The following GRIN2A variants were observed in gnomAD, a reference collection of about 807,000 sequenced individuals.
GRIN2A encodes the protein glutamate ionotropic receptor NMDA type subunit 2A, also known as glutamate receptor ionotropic, NMDA 2A.
A neutral mutation model predicts 113.4 loss-of-function variants in GRIN2A; 22 were observed. The ratio of observed to expected loss-of-function variants is 0.19; its 90% CI spans 0.14 to 0.28. The LOEUF (loss-of-function observed/expected upper bound fraction) is 0.28. Ranked by LOEUF, GRIN2A falls within the 10% of genes least tolerant of loss-of-function variation. The pLI, the probability that GRIN2A is intolerant of heterozygous loss-of-function variation, is 1.00. For synonymous variants in GRIN2A, 827 were observed against 738.4 expected (o/e 1.12, Z -1.94); for missense variants, 1,502 against 1,887.0 (o/e 0.80, Z 3.78).
At chr16:10,061,947 C>G (rs552288863) in intron 2 of GRIN2A, among the ~76,000 whole-genome samples, 2 of 152,152 alleles carry the variant, frequency 1.3e-5, no homozygotes, top group Non-Finnish European at 2.9e-5. Context: ...CAAACCATTC[C>G]GTCAGCTTCT....
chr16:9,758,262 A>C lies in GRIN2A; in HGVS notation c.*4887T>G, dbSNP rs533238561. On this transcript the variant is annotated 3_prime_UTR_variant, in exon 13 of 13. Transcript: ENST00000330684. The stretch of plus-strand genomic sequence containing the variant: ...AAGAGGATAAGGAATTTAAATAGGA[A>C]ATCTATGCCCTTTGATGTGTTTAAG... 2 of 223,060 alleles carry C rather than the reference A, an allele frequency of 9.0e-6. No homozygotes were observed. The highest frequency in any genetic ancestry group is 1.1e-4 in the Admixed American group (2 of 17,438). 13.8% of individuals were successfully genotyped at this position (223,060 alleles called of 1,614,324 possible). A position where few individuals can be genotyped will look rare whatever the true frequency, so the allele number is the denominator to read the frequency against.
intron 3 of GRIN2A, 107 bp from the exon 4 acceptor site, chr16:9,891,207 A>G: frequency 1.4e-6 from 1 of 727,800 alleles, no homozygotes; most frequent in South Asian, 1.4e-5. Context: ...ATAAACTTAC[A>G]ATGCTATATT....
At chr16:9,794,471 C>T (rs551387677) in intron 11 of GRIN2A, among the ~76,000 whole-genome samples, 4 of 152,244 alleles carry the variant, frequency 2.6e-5, no homozygotes, top group South Asian at 2.1e-4. Flanking sequence ...AAGCTGCATA[C>T]GATAAGTGAA....
chr16:9,909,886 T>C (rs963506440), intron 3 of GRIN2A, among the ~76,000 whole-genome samples: 3 of 152,216 alleles, frequency 2.0e-5, no homozygotes, highest in Non-Finnish European at 4.4e-5. Flanking sequence ...TAAAAAGTAC[T>C]ATGTTAACAA....
intron 3 of GRIN2A, among the ~76,000 whole-genome samples, chr16:9,907,961 G>A (rs1003274852): frequency 2.0e-5 from 3 of 152,148 alleles, no homozygotes; most frequent in Admixed American, 6.6e-5. Flanking sequence ...TGTGGTAGGC[G>A]GTCAGTGACC....
chr16:10,013,088 C>A (rs927065297), intron 2 of GRIN2A, among the ~76,000 whole-genome samples: 36 of 152,124 alleles, frequency 2.4e-4, no homozygotes, highest in African/African-American at 8.4e-4. Context: ...ATCTGTACAA[C>A]AAACCCCAGT....
chr16:9,846,755 G>C (rs1289672326), intron 5 of GRIN2A, among the ~76,000 whole-genome samples: 1 of 152,182 alleles, frequency 6.6e-6, no homozygotes, highest in Admixed American at 6.5e-5. Context: ...GGGGACGCAG[G>C]AGCTACACTT....
intron 2 of GRIN2A, chr16:10,112,749 C>T: frequency 2.8e-6 from 2 of 723,984 alleles, no homozygotes; most frequent in Admixed American, 3.5e-5. Flanking sequence ...GAAGTTTGTG[C>T]CCTACCTCAT....
chr16:9,879,169 C>T (rs2043429242), intron 4 of GRIN2A, among the ~76,000 whole-genome samples: 1 of 152,012 alleles, frequency 6.6e-6, no homozygotes, highest in Non-Finnish European at 1.5e-5. Context: ...ACTTAACGAT[C>T]ATTATATAAG....
chr16:10,045,181 C>G (rs1032641356), intron 2 of GRIN2A, among the ~76,000 whole-genome samples: 2 of 152,180 alleles, frequency 1.3e-5, no homozygotes, highest in Non-Finnish European at 2.9e-5. Context: ...CACCAGGGTG[C>G]AGACATGATT....
intron 4 of GRIN2A, among the ~76,000 whole-genome samples, chr16:9,889,402 T>C (rs186349266): frequency 1.3e-5 from 2 of 152,202 alleles, no homozygotes; most frequent in Non-Finnish European, 2.9e-5. Context: ...TTATTAGTCA[T>C]TTCAAAGAAC....
At chr16:10,092,861 CT>C (rs33949885) in intron 2 of GRIN2A, among the ~76,000 whole-genome samples, 85,381 of 142,388 alleles carry the variant, frequency 0.6, 26,835 homozygotes, top group Non-Finnish European at 0.71. Context: ...TGAAAAGTTG[CT>C]TTTTTTTTTT....
rs553206910 is a variant in GRIN2A, at chr16:10,177,283, C to A, written c.414+2715G>T. Among the ~76,000 whole-genome samples, 4 of 152,294 alleles carry A rather than the reference C, an allele frequency of 2.6e-5. No individual in the cohort carries two copies. The East Asian group carries it at 7.7e-4, about 29-fold the overall frequency. ...GTTTCTCAAAATACGACCTTTTAAA[C>A]CAACTTCTCTTGGTATCACCCAACT... On this transcript the variant is annotated intron_variant, in intron 2 of 12. Coordinates refer to ENST00000330684, the MANE Select transcript of GRIN2A (RefSeq NM_001134407.3).
chr16:9,812,243 T>C (rs1322693159), intron 10 of GRIN2A, among the ~76,000 whole-genome samples: 1 of 152,206 alleles, frequency 6.6e-6, no homozygotes, highest in Non-Finnish European at 1.5e-5. Flanking sequence ...CACCGTCATA[T>C]AGGTTTGTCA....
intron 10 of GRIN2A, among the ~76,000 whole-genome samples, chr16:9,807,443 C>CAGAGAG (rs1282951303): frequency 8.4e-6 from 1 of 119,118 alleles, no homozygotes; most frequent in Non-Finnish European, 1.8e-5. Context: ...GAGACAGAGA[C>CAGAGAG]AGAGAGAGAG....
intron 10 of GRIN2A, among the ~76,000 whole-genome samples, chr16:9,818,766 A>T (rs573773960): frequency 1.3e-5 from 2 of 152,288 alleles, no homozygotes; most frequent in Non-Finnish European, 2.9e-5. Flanking sequence ...TATTGGCAAA[A>T]CTTTGGAGAA....
chr16:9,767,997 G>A (rs975473683), intron 12 of GRIN2A, among the ~76,000 whole-genome samples: 1 of 152,218 alleles, frequency 6.6e-6, no homozygotes, highest in Non-Finnish European at 1.5e-5. Flanking sequence ...GGGTGCTAGT[G>A]ATGGGAGCCA....
At chr16:9,917,885 T>G (rs1362522292) in intron 3 of GRIN2A, among the ~76,000 whole-genome samples, 3 of 152,324 alleles carry the variant, frequency 2.0e-5, no homozygotes, top group South Asian at 2.1e-4. Flanking sequence ...TTTTTAAAAA[T>G]TTTATTCTCA....
rs539230870 is a variant in GRIN2A at position 9,900,191 on chromosome 16, C to T, written c.1008-9091G>A. Among the ~76,000 whole-genome samples, 5 of 152,284 alleles carry T rather than the reference C, an allele frequency of 3.3e-5. No homozygotes were observed. In the South Asian group the frequency reaches 8.3e-4, roughly 25 times the overall value. On this transcript the variant is annotated intron_variant, in intron 3 of 12. Coordinates refer to ENST00000330684, the MANE Select transcript of GRIN2A (RefSeq NM_001134407.3). ...GGGGTCAAAAGCTTTCTTTTAAATG[C>T]TGGAGAATCATTTTGGCTACTAATT...
Sources: gnomAD v4.1 joint callset for allele counts (sites outside exome capture counted in the v4.1 genomes callset) on GRCh38, gnomAD v4.1.1 for gene constraint, MANE v1.5 for transcripts, NCBI Gene and HGNC (gene_info 2026-07-23, HGNC 2026-07-21) for gene names.